Variants in PDZK1IP1 observed in about 807,000 individuals in gnomAD.
The protein encoded by PDZK1IP1 is PDZK1-interacting protein 1.
PDZK1IP1 carries 9 observed loss-of-function variants against 14.7 expected under a neutral mutation model. The ratio of observed to expected loss-of-function variants is 0.61; its 90% confidence interval spans 0.37 to 1.07. PDZK1IP1 has a LOEUF of 1.07. Ranked by LOEUF, PDZK1IP1 falls within the 50% of genes least tolerant of loss-of-function variation. The pLI, the probability that PDZK1IP1 is intolerant of heterozygous loss-of-function variation, is 0.01. For missense variants in PDZK1IP1, 152 were observed against 148.7 expected, an observed-to-expected ratio of 1.02 and a Z score of -0.11; for synonymous variants, 70 against 61.2, an observed-to-expected ratio of 1.14 and a Z score of -0.67.
At chr1:47,185,402 A>C in intron 2 of PDZK1IP1, 1 of 351,372 alleles carries the variant, frequency 2.8e-6, no homozygotes, top group Non-Finnish European at 5.4e-6. Context: ...GTCTGCCCCA[A>C]ATTTCCCCAG....
Position 47,184,056 on chromosome 1 carries a change from G to A in PDZK1IP1, c.273-13C>T, listed in dbSNP as rs1645301069. The A allele has an allele frequency of 6.3e-7, 1 of 1,576,064 alleles. No individual in the cohort carries two copies. Among genetic ancestry groups the A allele is most frequent in the Admixed American group, 1.8e-5 (1 of 55,244 alleles). On this transcript the variant is annotated splice_polypyrimidine_tract_variant and intron_variant, in intron 3 of 3. Coordinates refer to ENST00000294338, the MANE Select transcript of PDZK1IP1 (RefSeq NM_005764.4). ...ATGCTCACTGGACCTGAAAGAAGAAGGCATGGGCCTGATGGGTCATCGCTC... is the reference window on the plus strand; with the variant it reads ...ATGCTCACTGGACCTGAAAGAAGAAAGCATGGGCCTGATGGGTCATCGCTC...
chr1:47,184,976 C>T (rs765127889), intron 3 of PDZK1IP1, 26 bp downstream of exon 3: 4 of 1,576,492 alleles, frequency 2.5e-6, no homozygotes, highest in Non-Finnish European at 3.5e-6. Context: ...GGAGCACAGA[C>T]CGGGCAGCCC....
At position 47,189,916 on chromosome 1, in the gene PDZK1IP1, A is replaced by G; in HGVS notation, c.17T>C (p.Leu6Pro). The G allele has an allele frequency of 6.3e-7, 1 of 1,595,590 alleles. No individual in the cohort carries two copies. The highest frequency in any genetic ancestry group is 8.5e-7 in the Non-Finnish European group (1 of 1,178,336). Reference protein sequence around the residue: MSALSLLILGLLTAVP... With the variant: MSALSPLILGLLTAVP... ...TGCCGTGAGCAGGCCCAGAATGAGG[A>G]GGCTGAGGGCCGACATGGCTGCAGC... The change falls in exon 1 of 4, where the codon CTC (leucine) becomes CCC (proline). Residue 6 changes from leucine to proline, a missense_variant. By Grantham distance (98) the Leu-to-Pro change is moderately conservative. Transcript: ENST00000294338.
At chr1:47,184,382 A>G (rs1569851041) in intron 3 of PDZK1IP1, among the ~76,000 whole-genome samples, 3 of 12,970 alleles carry the variant, frequency 2.3e-4, no homozygotes, top group Non-Finnish European at 4.5e-4. Flanking sequence ...CACTGAACCA[A>G]TTCCCCCATT....
chr1:47,189,570 G>C (rs1365432273), intron 1 of PDZK1IP1, among the ~76,000 whole-genome samples: 3 of 152,060 alleles, frequency 2.0e-5, no homozygotes, highest in African/African-American at 7.2e-5. Context: ...TGTACCCCCG[G>C]GTCCCCTGTA....
intron 1 of PDZK1IP1, among the ~76,000 whole-genome samples, chr1:47,188,713 ACT>A (rs1204127340): frequency 6.6e-6 from 1 of 151,958 alleles, no homozygotes; most frequent in Non-Finnish European, 1.5e-5. Flanking sequence ...GAGGCTAGGA[ACT>A]CTCTGGCCTG....
At chr1:47,185,296 C>T in intron 2 of PDZK1IP1, 199 bp from the exon 3 acceptor site, 1 of 573,848 alleles carries the variant, frequency 1.7e-6, no homozygotes, top group Non-Finnish European at 3.1e-6. Flanking sequence ...TAGTGGGGGG[C>T]CAAATATTTG....
chr1:47,186,234 G>T (rs1049213536), intron 2 of PDZK1IP1, among the ~76,000 whole-genome samples: 13 of 152,000 alleles, frequency 8.6e-5, no homozygotes, highest in African/African-American at 3.1e-4. Flanking sequence ...CTTGAACCCG[G>T]GAGGCAGAAG....
intron 1 of PDZK1IP1, among the ~76,000 whole-genome samples, chr1:47,188,606 T>C (rs1415635165): frequency 6.6e-6 from 1 of 152,222 alleles, no homozygotes; most frequent in Admixed American, 6.5e-5. Flanking sequence ...GGCTCACTCC[T>C]GCTCAAATGT....
intron 2 of PDZK1IP1, among the ~76,000 whole-genome samples, chr1:47,186,464 A>G (rs1237054364): frequency 6.6e-6 from 1 of 152,116 alleles, no homozygotes; most frequent in Non-Finnish European, 1.5e-5. Context: ...GTCTCCACCC[A>G]CTGAGCCACT....
chr1:47,189,865 C>T lies in PDZK1IP1; in HGVS notation c.67+1G>A. 1 of 1,594,098 alleles carries T rather than the reference C, an allele frequency of 6.3e-7. No homozygotes were observed. The highest frequency in any genetic ancestry group is 1.7e-5 in the Admixed American group (1 of 59,230). ...TGCCCAGCCCTCTCCTCCTGAGCTACCTTGCTGACAGCTGGCAGGTGGCAC... is the reference window on the plus strand; with the variant it reads ...TGCCCAGCCCTCTCCTCCTGAGCTATCTTGCTGACAGCTGGCAGGTGGCAC... On this transcript the variant is annotated splice_donor_variant, in intron 1 of 3. Coordinates refer to ENST00000294338, the MANE Select transcript of PDZK1IP1 (RefSeq NM_005764.4). LOFTEE classifies it high-confidence loss of function.
Position 47,184,175 on chromosome 1 carries a change from T to A in PDZK1IP1, c.273-132A>T, listed in dbSNP as rs545852052. The A allele has an allele frequency of 2.5e-5, 18 of 721,512 alleles. No homozygotes were observed. In the South Asian group the frequency reaches 2.5e-4, roughly 10 times the overall value. 44.7% of individuals were successfully genotyped at this position (721,512 alleles called of 1,614,324 possible). ...CTTGACTCCCAGAAGGGGATTGTCC[T>A]GACCACATCTGGGCTTATGCATCCG... On this transcript the variant is annotated intron_variant, in intron 3 of 3. Coordinates refer to ENST00000294338, the MANE Select transcript of PDZK1IP1 (RefSeq NM_005764.4).
intron 2 of PDZK1IP1, among the ~76,000 whole-genome samples, chr1:47,185,959 C>T (rs1018942544): frequency 1.3e-5 from 2 of 152,142 alleles, no homozygotes; most frequent in African/African-American, 4.8e-5. Flanking sequence ...GCATCTGCCA[C>T]GAGGCAGCCA....
intron 3 of PDZK1IP1, 34 bp from the exon 4 acceptor site, chr1:47,184,077 C>T (rs781545171): frequency 8.0e-6 from 12 of 1,490,734 alleles, no homozygotes; most frequent in African/African-American, 1.4e-5. Flanking sequence ...GATGGGTCAT[C>T]GCTCCTCCCA....
Position 47,187,396 on chromosome 1 carries a change from G to T in PDZK1IP1, c.99C>A (p.Gly33=), listed in dbSNP as rs772106467. 1.9e-6 allele frequency: 3 copies of T among 1,612,848 alleles called. No homozygotes were observed. The highest frequency in any genetic ancestry group is 1.7e-5 in the Admixed American group (1 of 60,022). ...GLGNLQPWMQ[G]LIAVAVFLVL... ...CCAGGAACACGGCCACCGCGATAAG[G>T]CCCTGCATCCAGGGCTGAAGGTTCC... Residue 33 remains glycine, a synonymous_variant, in exon 2 of 4, where the codon GGC becomes GGA. Transcript: ENST00000294338.
chr1:47,187,230 G>T (rs958922936), intron 2 of PDZK1IP1, 89 bp downstream of exon 2: 3 of 884,438 alleles, frequency 3.4e-6, no homozygotes, highest in Non-Finnish European at 5.6e-6. Flanking sequence ...TGGACACAGG[G>T]TTTCTGAGGC....
chr1:47,185,172 G>T, intron 2 of PDZK1IP1, 75 bp from the exon 3 acceptor site: 1 of 1,131,514 alleles, frequency 8.8e-7, no homozygotes. Flanking sequence ...CTGGGTCCTG[G>T]TTCTCACAAG....
At position 47,189,967 on chromosome 1, in the gene PDZK1IP1, C is replaced by T. The variant is rs369652136; in HGVS notation, c.-35G>A. 9 of 1,532,510 alleles carry T rather than the reference C, an allele frequency of 5.9e-6. No individual in the cohort carries two copies. Among genetic ancestry groups the T allele is most frequent in the African/African-American group, 1.4e-5 (1 of 72,744 alleles). The allele number at this position is 1,532,510 out of a possible 1,614,324, so 94.9% of individuals were successfully genotyped here. A position where few individuals can be genotyped will look rare whatever the true frequency, so the allele number is the denominator to read the frequency against. Reference sequence around the variant, plus strand: ...AGCTCCTAGCCTTGCTTCTGGCCGCCGGTGTCTGGGCTCCTGGAGCTGCTG... The same window carrying T: ...AGCTCCTAGCCTTGCTTCTGGCCGCTGGTGTCTGGGCTCCTGGAGCTGCTG... On this transcript the variant is annotated 5_prime_UTR_variant, in exon 1 of 4. Transcript: ENST00000294338.
At chr1:47,186,473 C>T (rs1645321135) in intron 2 of PDZK1IP1, among the ~76,000 whole-genome samples, 1 of 152,254 alleles carries the variant, frequency 6.6e-6, no homozygotes, top group Non-Finnish European at 1.5e-5. Context: ...CACTGAGCCA[C>T]TGGGGTTTCC....
Sources: gnomAD v4.1 joint callset for allele counts (sites outside exome capture counted in the v4.1 genomes callset) on GRCh38, gnomAD v4.1.1 for gene constraint, MANE v1.5 for transcripts, NCBI Gene and HGNC (gene_info 2026-07-23, HGNC 2026-07-21) for gene names.